Variants in ATXN10 observed in about 807,000 individuals in gnomAD.
ATXN10 encodes ataxin 10, also known as ataxin-10.
ATXN10 carries 28 observed loss-of-function variants against 52.9 expected under a neutral mutation model. The ratio of observed to expected loss-of-function variants is 0.53; its 90% CI spans 0.39 to 0.73. ATXN10 has a LOEUF of 0.73. Among genes scored for constraint, ATXN10 ranks in the 30% least tolerant of loss-of-function variants. ATXN10 has a pLI of 0.00. For missense variants in ATXN10, 565 were observed against 577.0 expected (o/e 0.98, Z 0.21); for synonymous variants, 226 against 221.5 (o/e 1.02, Z -0.18).
chr22:45,740,287 G>A, intron 8 of ATXN10, 82 bp from the exon 9 acceptor site: 1 of 1,363,530 alleles, frequency 7.3e-7, no homozygotes, highest in Non-Finnish European at 1.0e-6. Flanking sequence ...CAATAAATTA[G>A]ATTTGTCTAT....
intron 9 of ATXN10, chr22:45,792,641 G>A (rs543281374): frequency 5.7e-5 from 14 of 247,196 alleles, no homozygotes; most frequent in East Asian, 5.4e-4. Context: ...GAGAAGTCAC[G>A]GCAAGTTCCC....
intron 10 of ATXN10, among the ~76,000 whole-genome samples, chr22:45,808,741 TA>T (rs2146886659): frequency 6.6e-6 from 1 of 152,306 alleles, no homozygotes; most frequent in Non-Finnish European, 1.5e-5. Flanking sequence ...ACTGCCTTCT[TA>T]AAAGTCACCG....
rs1263297443 is a variant in ATXN10, at chr22:45,700,355, G to A, written c.465G>A (p.Val155=). 3 of 1,613,832 alleles carry A rather than the reference G, an allele frequency of 1.9e-6. No individual in the cohort carries two copies. In the South Asian group the frequency reaches 3.3e-5, roughly 18 times the overall value. ...AAGATTCCCAGTCTATTGTTTGGGT[G>A]CATGCTTTCCCAGAACTGTTTTTGT... The part of the protein sequence containing the change: ...RNEDSQSIVW[V]HAFPELFLSC... Residue 155 remains valine (V), a synonymous_variant, in exon 4 of 12, where the codon GTG becomes GTA. Coordinates refer to ENST00000252934, the MANE Select transcript of ATXN10 (RefSeq NM_013236.4).
At chr22:45,765,284 G>A (rs1287858192) in intron 9 of ATXN10, among the ~76,000 whole-genome samples, 1 of 152,138 alleles carries the variant, frequency 6.6e-6, no homozygotes, top group Non-Finnish European at 1.5e-5. Flanking sequence ...AAGATACAGA[G>A]AGGCTGTGAG....
At chr22:45,771,486 G>C (rs1368398728) in intron 9 of ATXN10, among the ~76,000 whole-genome samples, 2 of 143,090 alleles carry the variant, frequency 1.4e-5, no homozygotes, top group African/African-American at 5.2e-5. Context: ...ATGTGATCTT[G>C]GCTCACTACA....
intron 5 of ATXN10, among the ~76,000 whole-genome samples, chr22:45,717,585 T>C (rs1924493258): frequency 6.6e-6 from 1 of 152,228 alleles, no homozygotes; most frequent in Non-Finnish European, 1.5e-5. Flanking sequence ...AATATGTATT[T>C]GGATTTCGCT....
rs1170673120 is a variant in ATXN10, at chr22:45,732,514, T to C, written c.894+2924T>C. Among the ~76,000 whole-genome samples, 1 of 152,066 alleles carries C rather than the reference T, an allele frequency of 6.6e-6. No individual in the cohort carries two copies. The highest frequency in any genetic ancestry group is 1.5e-5 in the Non-Finnish European group (1 of 68,024). ...TTTTGCAAAGCCAAATTAATTTACTTTTGGAAGTTTATTGAGCTATACATT... is the reference window on the plus strand; with the variant it reads ...TTTTGCAAAGCCAAATTAATTTACTCTTGGAAGTTTATTGAGCTATACATT... On this transcript the variant is annotated intron_variant, in intron 7 of 11. Transcript: ENST00000252934. This position sits in a 1 kb window ranked among gnomAD's most constrained non-coding sequence, Gnocchi z 4.5.
intron 10 of ATXN10, among the ~76,000 whole-genome samples, chr22:45,809,943 T>C (rs1319090831): frequency 2.0e-5 from 3 of 152,200 alleles, no homozygotes; most frequent in Non-Finnish European, 4.4e-5. Context: ...TCATCTCTTT[T>C]CCTTTATAGT....
chr22:45,741,551 C>T (rs746184168), intron 9 of ATXN10, among the ~76,000 whole-genome samples: 5 of 152,050 alleles, frequency 3.3e-5, no homozygotes, highest in Admixed American at 6.6e-5. Context: ...GAGATGTGTG[C>T]GAGAAACCAT....
At chr22:45,691,527 C>T (rs894783371) in intron 2 of ATXN10, among the ~76,000 whole-genome samples, 3 of 152,252 alleles carry the variant, frequency 2.0e-5, no homozygotes, top group African/African-American at 7.2e-5. Context: ...GGAACATTCT[C>T]TCCATATCCA....
chr22:45,817,818 G>A (rs543540818), intron 10 of ATXN10, among the ~76,000 whole-genome samples: 1 of 152,234 alleles, frequency 6.6e-6, no homozygotes, highest in Admixed American at 6.5e-5. Flanking sequence ...AGATGAATTG[G>A]TGATGCTCCC....
At chr22:45,761,426 A>G (rs890898026) in intron 9 of ATXN10, among the ~76,000 whole-genome samples, 1 of 152,226 alleles carries the variant, frequency 6.6e-6, no homozygotes. Context: ...GGATGAACAA[A>G]TGAATATTTT....
rs1231624087 is a variant in ATXN10, at chr22:45,732,815, A to T, written c.894+3225A>T. ...TCCACCTGCCTCTTCCACCCCAGCC[A>T]TTCTTCTGCCAAACCACTGCATTTA... On this transcript the variant is annotated intron_variant, in intron 7 of 11. Coordinates refer to ENST00000252934, the MANE Select transcript of ATXN10 (RefSeq NM_013236.4). This position sits in a 1 kb window ranked among gnomAD's most constrained non-coding sequence, Gnocchi z 4.5. 6.6e-6 allele frequency among the ~76,000 whole-genome samples: 1 copy of T among 152,204 alleles called. No individual in the cohort carries two copies. The highest frequency in any genetic ancestry group is 1.9e-4 in the East Asian group (1 of 5,198).
intron 10 of ATXN10, 176 bp downstream of exon 10, chr22:45,807,198 C>A (rs1421903704): frequency 2.8e-6 from 2 of 705,208 alleles, no homozygotes; most frequent in African/African-American, 1.8e-5. Flanking sequence ...ATTTCTGTAA[C>A]CTTTGTAGTA....
intron 3 of ATXN10, among the ~76,000 whole-genome samples, chr22:45,693,577 A>C (rs1385157448): frequency 1.3e-5 from 2 of 152,166 alleles, no homozygotes; most frequent in Non-Finnish European, 2.9e-5. Flanking sequence ...CACTTCCCAA[A>C]GGCCCCATCT....
rs1926702017 is a variant in ATXN10 at position 45,769,524 on chromosome 22, A to G, written c.1173+28986A>G. On this transcript the variant is annotated intron_variant, in intron 9 of 11. Transcript: ENST00000252934. The surrounding 1 kb of genome is among the most constrained non-coding windows in gnomAD (Gnocchi z 4.2). ...TGGGCCTTGAGGAATGGTGGGTAGC[A>G]GTTATGTGGCGATGAAGAGACTATT... is the stretch of plus-strand genomic sequence containing the variant. Among the ~76,000 whole-genome samples the G allele has an allele frequency of 2.6e-5, 4 of 152,162 alleles. No individual in the cohort carries two copies. The highest frequency in any genetic ancestry group is 9.7e-5 in the African/African-American group (4 of 41,438).
intron 5 of ATXN10, among the ~76,000 whole-genome samples, chr22:45,709,859 C>G (rs1159768367): frequency 6.6e-6 from 1 of 152,230 alleles, no homozygotes; most frequent in African/African-American, 2.4e-5. Context: ...CCTTCAGTAA[C>G]TGGTACCACC....
At chr22:45,737,686 ATC>A (rs1364265418) in intron 7 of ATXN10, among the ~76,000 whole-genome samples, 1 of 142,370 alleles carries the variant, frequency 7.0e-6, no homozygotes, top group Non-Finnish European at 1.5e-5. Context: ...GAAGAATGTT[ATC>A]TCTTTTTTTT....
rs1929336328 is a variant in ATXN10 at position 45,841,218 on chromosome 22, G to A, written c.1238-1773G>A. ...ATATAAAGGACCTGGACTTTGTCAC[G>A]AGAGAATGACAGATAAATGACACAA... On this transcript the variant is annotated intron_variant, in intron 10 of 11. Transcript: ENST00000252934. The surrounding 1 kb of genome is among the most constrained non-coding windows in gnomAD (Gnocchi z 5.1). 6.6e-6 allele frequency among the ~76,000 whole-genome samples: 1 copy of A among 152,226 alleles called. No individual in the cohort carries two copies. Among genetic ancestry groups the A allele is most frequent in the African/African-American group, 2.4e-5 (1 of 41,466 alleles).
Sources: gnomAD v4.1 joint callset for allele counts (sites outside exome capture counted in the v4.1 genomes callset) on GRCh38, gnomAD v4.1.1 for gene constraint, Gnocchi (gnomAD v3.1) non-coding constraint, MANE v1.5 for transcripts, NCBI Gene and HGNC (gene_info 2026-07-23, HGNC 2026-07-21) for gene names.